The following CD1B variants were observed in gnomAD, a reference collection of about 807,000 sequenced individuals.
The protein encoded by CD1B is CD1b molecule, also known as T-cell surface glycoprotein CD1b.
CD1B carries 43 observed loss-of-function variants against 39.8 expected under a neutral mutation model. That is an observed-to-expected ratio of 1.08 (90% confidence interval 0.85 to 1.39). The LOEUF is 1.39. Ranked by LOEUF, CD1B falls within the 40% of genes most tolerant of loss-of-function variation. The pLI is 0.00. For synonymous variants in CD1B, 192 were observed against 152.5 expected (o/e 1.26, Z -1.91); for missense variants, 495 against 403.8 (o/e 1.23, Z -1.94).
chr1:158,315,169 C>A, the CD1B span, among the ~76,000 whole-genome samples: 1 of 152,096 alleles, frequency 6.6e-6, no homozygotes, highest in Non-Finnish European at 1.5e-5. Flanking sequence ...TGGGTATATA[C>A]TCAGTAATGG....
At chr1:158,319,558 ATTC>A in the CD1B span, among the ~76,000 whole-genome samples, 9 of 152,110 alleles carry the variant, frequency 5.9e-5, no homozygotes, top group South Asian at 2.1e-4. Context: ...CTAGTTATAC[ATTC>A]TTCTAAATTT....
chr1:158,330,887 C>T lies in CD1B; in HGVS notation c.237G>A (p.Lys79=). The T allele has an allele frequency of 6.2e-7, 1 of 1,614,072 alleles. No individual in the cohort carries two copies. Among genetic ancestry groups the T allele is most frequent in the Non-Finnish European group, 8.5e-7 (1 of 1,179,922 alleles). Residue 79 remains lysine (K), a synonymous_variant, in exon 2 of 6, where the codon AAG becomes AAA. Transcript: ENST00000368168. ...KPWSKGNFSD[K]EVAELEEIFR... ...ATATCTCCTCTAACTCAGCAACCTC[C>T]TTATCACTAAAGTTACCTTTAGACC...
chr1:158,291,361 C>T, the CD1B span: 7 of 1,613,874 alleles, frequency 4.3e-6, no homozygotes, highest in South Asian at 1.1e-5. Context: ...TGGATTAACT[C>T]GGGAGATTCA....
At chr1:158,323,188 T>A (rs1036809775), downstream of CD1B, among the ~76,000 whole-genome samples, 6 of 152,118 alleles carry the variant, frequency 3.9e-5, no homozygotes, top group Admixed American at 2.6e-4. Flanking sequence ...TCTTTTTTTT[T>A]ATTCTTTTTC....
At chr1:158,291,174 C>T in the CD1B span, 7 of 1,613,160 alleles carry the variant, frequency 4.3e-6, no homozygotes, top group East Asian at 2.2e-5. Flanking sequence ...TCCAGATCTT[C>T]TCATTTGTCA....
chr1:158,308,571 C>T, the CD1B span, among the ~76,000 whole-genome samples: 206 of 152,318 alleles, frequency 1.4e-3, no homozygotes, highest in South Asian at 0.018. Flanking sequence ...CACTACCTGA[C>T]TTCAAACTAT....
intron 5 of CD1B, among the ~76,000 whole-genome samples, 174 bp downstream of exon 5, chr1:158,328,747 G>C (rs993816425): frequency 6.6e-6 from 1 of 152,100 alleles, no homozygotes; most frequent in Non-Finnish European, 1.5e-5. Flanking sequence ...TATGTTATGT[G>C]TATTTTAACA....
chr1:158,309,711 C>T, the CD1B span, among the ~76,000 whole-genome samples: 17 of 152,056 alleles, frequency 1.1e-4, no homozygotes, highest in Admixed American at 6.6e-4. Flanking sequence ...AACCACCTTT[C>T]TCAGCAAACT....
At chr1:158,292,676 T>C in the CD1B span, 1 of 1,614,008 alleles carries the variant, frequency 6.2e-7, no homozygotes, top group Non-Finnish European at 8.5e-7. Flanking sequence ...CTCCGGCTTC[T>C]ACCCAAAGCC....
the CD1B span, among the ~76,000 whole-genome samples, chr1:158,294,737 G>A: frequency 6.6e-6 from 1 of 152,088 alleles, no homozygotes; most frequent in African/African-American, 2.4e-5. Flanking sequence ...TATTTTCTAT[G>A]ATTTTATTAA....
At chr1:158,323,781 C>T (rs766576574), downstream of CD1B, among the ~76,000 whole-genome samples, 14 of 152,256 alleles carry the variant, frequency 9.2e-5, no homozygotes, top group South Asian at 4.1e-4. Context: ...TGTAGAAGGA[C>T]GTGGTGAAGA....
At chr1:158,295,704 C>T in the CD1B span, among the ~76,000 whole-genome samples, 2 of 151,860 alleles carry the variant, frequency 1.3e-5, no homozygotes, top group African/African-American at 2.4e-5. Context: ...GTCTGCTGGC[C>T]TCTCCCAGGA....
At chr1:158,293,221 T>C in the CD1B span, 4,312 of 1,613,520 alleles carry the variant, frequency 2.7e-3, 250 homozygotes, top group East Asian at 0.078. Flanking sequence ...GGACACCACT[T>C]TTCCATGAAT....
the CD1B span, among the ~76,000 whole-genome samples, chr1:158,299,375 A>G: frequency 2.0e-5 from 3 of 152,276 alleles, no homozygotes; most frequent in Non-Finnish European, 4.4e-5. Context: ...TGATTTGATC[A>G]TGGTGGATAA....
At chr1:158,298,952 C>T in the CD1B span, among the ~76,000 whole-genome samples, 1 of 152,254 alleles carries the variant, frequency 6.6e-6, no homozygotes, top group Admixed American at 6.5e-5. Context: ...ACAATCATGT[C>T]ATCTGCAAAC....
chr1:158,295,615 G>T, the CD1B span, among the ~76,000 whole-genome samples: 1 of 152,234 alleles, frequency 6.6e-6, no homozygotes, highest in South Asian at 2.1e-4. Flanking sequence ...TGACCCCTTT[G>T]TTGACTATCA....
the CD1B span, among the ~76,000 whole-genome samples, chr1:158,316,883 G>A: frequency 2.0e-5 from 3 of 151,998 alleles, no homozygotes; most frequent in African/African-American, 4.8e-5. Context: ...GTTGAATTTT[G>A]TCAAAGGTCT....
chr1:158,293,748 G>C, the CD1B span: 58 of 659,292 alleles, frequency 8.8e-5, no homozygotes, highest in Admixed American at 1.1e-3. Context: ...CCCCTCAACT[G>C]TTATGTGCAT....
At chr1:158,298,672 G>C in the CD1B span, among the ~76,000 whole-genome samples, 2 of 152,150 alleles carry the variant, frequency 1.3e-5, no homozygotes, top group Non-Finnish European at 2.9e-5. Context: ...CCATTTGTTT[G>C]TGTCCTCTTT....
Sources: gnomAD v4.1 joint callset for allele counts (sites outside exome capture counted in the v4.1 genomes callset) on GRCh38, gnomAD v4.1.1 for gene constraint, MANE v1.5 for transcripts, NCBI Gene and HGNC (gene_info 2026-07-23, HGNC 2026-07-21) for gene names.